ADCY8: variants seen among roughly 807,000 people sequenced by gnomAD.
ADCY8 encodes the protein adenylate cyclase 8, also known as adenylate cyclase type 8.
A neutral mutation model predicts 119.7 loss-of-function variants in ADCY8; 51 were observed. The ratio of observed to expected loss-of-function variants is 0.43; its 90% confidence interval spans 0.34 to 0.54. The LOEUF (loss-of-function observed/expected upper bound fraction) is 0.54, where lower values mean the gene tolerates loss of function less well. Among genes scored for constraint, ADCY8 ranks in the 20% least tolerant of loss-of-function variants. ADCY8 has a pLI of 0.03. For missense variants in ADCY8, 1,383 were observed against 1,598.8 expected (o/e 0.87, Z 2.30); for synonymous variants, 665 against 651.0 (o/e 1.02, Z -0.33).
At chr8:130,932,858 G>A (rs1820673456) in intron 5 of ADCY8, among the ~76,000 whole-genome samples, 1 of 152,140 alleles carries the variant, frequency 6.6e-6, no homozygotes, top group Non-Finnish European at 1.5e-5. Context: ...TGGTTGTAGA[G>A]GATTTCTATC....
At chr8:130,833,371 A>G (rs1034348090) in intron 12 of ADCY8, among the ~76,000 whole-genome samples, 2 of 152,220 alleles carry the variant, frequency 1.3e-5, no homozygotes, top group South Asian at 4.1e-4. Flanking sequence ...ATACATGTAA[A>G]TTAGACATTA....
intron 3 of ADCY8, among the ~76,000 whole-genome samples, chr8:130,951,370 G>A (rs990171708): frequency 3.0e-4 from 46 of 152,312 alleles, no homozygotes; most frequent in African/African-American, 1.1e-3. Context: ...GGATGGGGGA[G>A]TAAGTGGGAA....
rs11774179 is a variant in ADCY8 at position 131,018,887 on chromosome 8, T to C, written c.960+20487A>G. 2.8e-3 allele frequency among the ~76,000 whole-genome samples: 428 copies of C among 152,208 alleles called. 1 individual carries two copies. Among genetic ancestry groups the C allele is most frequent in the African/African-American group, 1.0e-2 (414 of 41,522 alleles). ...GGAGATTAACATATAAGGAAGGGCA[T>C]GGTTAGGAGGAGGTTAGGCCTCCAT... On this transcript the variant is annotated intron_variant, in intron 1 of 17. Coordinates refer to ENST00000286355, the MANE Select transcript of ADCY8 (RefSeq NM_001115.3).
chr8:130,983,043 T>G (rs1308856488), intron 2 of ADCY8, among the ~76,000 whole-genome samples: 1 of 152,176 alleles, frequency 6.6e-6, no homozygotes, highest in Non-Finnish European at 1.5e-5. Context: ...GAGTGGAACA[T>G]CTCATCCTAA....
intron 2 of ADCY8, among the ~76,000 whole-genome samples, chr8:130,982,141 G>A (rs571530214): frequency 2.4e-4 from 36 of 152,332 alleles, no homozygotes; most frequent in African/African-American, 7.7e-4. Flanking sequence ...ACAAGAGCTG[G>A]TGTCCTACCC....
chr8:130,801,454 C>T (rs1471577148), intron 14 of ADCY8, among the ~76,000 whole-genome samples: 2 of 152,192 alleles, frequency 1.3e-5, no homozygotes, highest in African/African-American at 4.8e-5. Flanking sequence ...TCTACCTGAT[C>T]ATTTTATAAC....
intron 1 of ADCY8, among the ~76,000 whole-genome samples, chr8:131,012,097 G>C (rs919732630): frequency 6.6e-6 from 1 of 152,152 alleles, no homozygotes; most frequent in African/African-American, 2.4e-5. Flanking sequence ...TAGAGTTCCA[G>C]GTTGCCAAAA....
chr8:130,935,255 T>C (rs4736722), intron 5 of ADCY8, among the ~76,000 whole-genome samples: 88,912 of 152,048 alleles, frequency 0.58, 27,474 homozygotes, highest in African/African-American at 0.79. Context: ...ACTTTGATCA[T>C]CAAGCTGGCC....
intron 7 of ADCY8, among the ~76,000 whole-genome samples, chr8:130,896,250 C>T (rs1819383331): frequency 6.6e-6 from 1 of 152,118 alleles, no homozygotes; most frequent in African/African-American, 2.4e-5. Flanking sequence ...GTGCTTGCCC[C>T]ACCTTCGTCT....
intron 4 of ADCY8, among the ~76,000 whole-genome samples, chr8:130,942,755 C>G (rs186834715): frequency 6.6e-5 from 10 of 152,206 alleles, no homozygotes; most frequent in Non-Finnish European, 1.0e-4. Context: ...GATATTACTT[C>G]GTAACTCAAG....
At chr8:130,964,400 G>T (rs1396386990) in intron 2 of ADCY8, among the ~76,000 whole-genome samples, 1 of 151,200 alleles carries the variant, frequency 6.6e-6, no homozygotes, top group Non-Finnish European at 1.5e-5. Context: ...CTCAAACCCA[G>T]CTATGTTAGT....
chr8:130,984,897 T>A (rs1303498163), intron 2 of ADCY8, among the ~76,000 whole-genome samples: 1 of 152,052 alleles, frequency 6.6e-6, no homozygotes, highest in Admixed American at 6.5e-5. Flanking sequence ...CAGAAAAGAA[T>A]GTAATGTTAG....
intron 10 of ADCY8, 21 bp downstream of exon 10, chr8:130,849,581 T>C (rs377474605): frequency 2.0e-5 from 32 of 1,612,316 alleles, no homozygotes; most frequent in Non-Finnish European, 2.5e-5. Flanking sequence ...ACCAGAGGGT[T>C]GGTGGATGTG....
At chr8:130,942,226 T>C (rs1301449518) in intron 4 of ADCY8, among the ~76,000 whole-genome samples, 1 of 152,226 alleles carries the variant, frequency 6.6e-6, no homozygotes, top group African/African-American at 2.4e-5. Context: ...GATTCATTGG[T>C]GTTGCACGTA....
chr8:130,979,370 C>G (rs776571884), intron 2 of ADCY8, among the ~76,000 whole-genome samples: 30 of 152,174 alleles, frequency 2.0e-4, no homozygotes, highest in Non-Finnish European at 1.3e-4. Flanking sequence ...TATGTGTATT[C>G]CTGTTGATCA....
chr8:130,837,104 C>T (rs1351211388), intron 11 of ADCY8, among the ~76,000 whole-genome samples: 2 of 152,158 alleles, frequency 1.3e-5, no homozygotes, highest in African/African-American at 2.4e-5. Context: ...TTCTCACCAA[C>T]AGCTCTAGAA....
chr8:130,834,885 A>G (rs1816939377), intron 12 of ADCY8, among the ~76,000 whole-genome samples: 1 of 152,008 alleles, frequency 6.6e-6, no homozygotes, highest in Non-Finnish European at 1.5e-5. Flanking sequence ...TGGGAAGGAT[A>G]TATATTCAGT....
At chr8:130,942,668 A>G (rs1282410697) in intron 4 of ADCY8, among the ~76,000 whole-genome samples, 1 of 152,224 alleles carries the variant, frequency 6.6e-6, no homozygotes, top group Non-Finnish European at 1.5e-5. Context: ...GTTGGCACTA[A>G]CATACACACT....
rs558519046 is a variant in ADCY8, at chr8:130,909,647, A to T, written c.1640+61T>A. On this transcript the variant is annotated intron_variant, in intron 6 of 17. Coordinates refer to ENST00000286355, the MANE Select transcript of ADCY8 (RefSeq NM_001115.3). ...CTGAATTTCTGTACACAGGAAACCC[A>T]CTGTCACAAAATAAGCCAATGACAA... The T allele has an allele frequency of 2.8e-4, 439 of 1,591,532 alleles. 5 individuals carry two copies. In the South Asian group the frequency reaches 4.4e-3, roughly 16 times the overall value.
Sources: gnomAD v4.1 joint callset for allele counts (sites outside exome capture counted in the v4.1 genomes callset) on GRCh38, gnomAD v4.1.1 for gene constraint, MANE v1.5 for transcripts, NCBI Gene and HGNC (gene_info 2026-07-23, HGNC 2026-07-21) for gene names.